Variants in FNDC5 observed in about 807,000 individuals in gnomAD.
The protein encoded by FNDC5 is fibronectin type III domain-containing protein 5.
FNDC5 carries 10 observed loss-of-function variants against 24.6 expected under a neutral mutation model. The ratio of observed to expected loss-of-function variants is 0.41; its 90% confidence interval spans 0.25 to 0.69. The LOEUF (loss-of-function observed/expected upper bound fraction) is 0.69, where lower values mean the gene tolerates loss of function less well. FNDC5 is among the 30% of genes least tolerant of loss of function. The pLI is 0.34. For missense variants in FNDC5, 226 were observed against 282.9 expected (o/e 0.80, Z 1.44); for synonymous variants, 90 against 110.7 (o/e 0.81, Z 1.18).
Position 32,863,995 on chromosome 1 carries a change from C to A in FNDC5, c.*299G>T, listed in dbSNP as rs772077083. On this transcript the variant is annotated 3_prime_UTR_variant, in exon 6 of 6. Transcript: ENST00000373471. The stretch of plus-strand genomic sequence containing the variant: ...CTTCAGCCTCACTCAACTGAATGGC[C>A]AAGACTGGGTCCTGGGCCCATGGCC... 69 of 1,345,262 alleles carry A rather than the reference C, an allele frequency of 5.1e-5. No individual in the cohort carries two copies. The highest frequency in any genetic ancestry group is 6.3e-5 in the Non-Finnish European group (66 of 1,041,296). 83.3% of individuals were successfully genotyped at this position (1,345,262 alleles called of 1,614,324 possible). A position where few individuals can be genotyped will look rare whatever the true frequency, so the allele number is the denominator to read the frequency against.
upstream of FNDC5, among the ~76,000 whole-genome samples, chr1:32,871,732 G>C (rs1019281177): frequency 6.6e-5 from 10 of 152,186 alleles, no homozygotes; most frequent in African/African-American, 2.4e-4. Context: ...TCCCCACCCA[G>C]AGTGACTTCA....
chr1:32,868,482 T>C lies in FNDC5; in HGVS notation c.211-94A>G, dbSNP rs1266823616. The C allele has an allele frequency of 1.6e-6, 2 of 1,269,500 alleles. No individual in the cohort carries two copies. Among genetic ancestry groups the C allele is most frequent in the Non-Finnish European group, 1.1e-6 (1 of 917,624 alleles). 78.6% of individuals were successfully genotyped at this position (1,269,500 alleles called of 1,614,324 possible). A position where few individuals can be genotyped will look rare whatever the true frequency, so the allele number is the denominator to read the frequency against. ...GGTGACAAAGCCTTTACATACACAA[T>C]CTTCATCATTCCATCACCTCCGCTA... is the stretch of plus-strand genomic sequence containing the variant. On this transcript the variant is annotated intron_variant, in intron 2 of 5. Coordinates refer to ENST00000373471, the MANE Select transcript of FNDC5 (RefSeq NM_153756.3). This position sits in a 1 kb window ranked among gnomAD's most constrained non-coding sequence, Gnocchi z 4.8.
At position 32,870,714 on chromosome 1, in the gene FNDC5, G is replaced by GGGCGGCCAGGCGCTC; in HGVS notation, c.18_32dup (p.Ser7_Pro11dup). On this transcript the variant is annotated inframe_insertion, in exon 1 of 6. Transcript: ENST00000373471. ...ACAGGCGGAGCGCGGCGCGGGCGCGGGGCGGCCAGGCGCTCGGCGACCCGG... is the reference window on the plus strand; with the variant it reads ...ACAGGCGGAGCGCGGCGCGGGCGCGGGGCGGCCAGGCGCTCGGCGGCCAGGCGCTCGGCGACCCGG... 8.4e-7 allele frequency: 1 copy of GGGCGGCCAGGCGCTC among 1,186,806 alleles called. No homozygotes were observed. The highest frequency in any genetic ancestry group is 3.4e-4 in the Middle Eastern group (1 of 2,964). The allele number at this position is 1,186,806 out of a possible 1,614,324, so 73.5% of individuals were successfully genotyped here. A position where few individuals can be genotyped will look rare whatever the true frequency, so the allele number is the denominator to read the frequency against.
intron 4 of FNDC5, among the ~76,000 whole-genome samples, chr1:32,867,404 C>T (rs1159025251): frequency 6.6e-6 from 1 of 152,050 alleles, no homozygotes; most frequent in African/African-American, 2.4e-5. Context: ...GGCCTGGACC[C>T]CTGGAGGCAC....
chr1:32,870,399 G>A (rs182001205), intron 1 of FNDC5, among the ~76,000 whole-genome samples: 2 of 152,226 alleles, frequency 1.3e-5, no homozygotes, highest in East Asian at 3.9e-4. Flanking sequence ...TGGGGTTAGG[G>A]GAATGGGATT....
chr1:32,871,868 TCTC>T (rs1372421840), upstream of FNDC5, among the ~76,000 whole-genome samples: 3 of 152,102 alleles, frequency 2.0e-5, no homozygotes, highest in Non-Finnish European at 4.4e-5. Context: ...CCTTCCCTCA[TCTC>T]AGCCAGAGAA....
At position 32,864,072 on chromosome 1, in the gene FNDC5, C is replaced by G; in HGVS notation, c.*222G>C. The G allele has an allele frequency of 2.0e-6, 3 of 1,472,414 alleles. No homozygotes were observed. In the South Asian group the frequency reaches 4.1e-5, roughly 20 times the overall value. 91.2% of individuals were successfully genotyped at this position (1,472,414 alleles called of 1,614,324 possible). A position where few individuals can be genotyped will look rare whatever the true frequency, so the allele number is the denominator to read the frequency against. On this transcript the variant is annotated 3_prime_UTR_variant, in exon 6 of 6. Coordinates refer to ENST00000373471, the MANE Select transcript of FNDC5 (RefSeq NM_153756.3). ...TCATCCCTCTGAGTGCAGCCTCAGC[C>G]ACTGACATTGTTGAGGTGCTTCTGG... is the stretch of plus-strand genomic sequence containing the variant.
At chr1:32,865,256 C>T (rs886647248) in intron 4 of FNDC5, among the ~76,000 whole-genome samples, 20 of 151,816 alleles carry the variant, frequency 1.3e-4, no homozygotes, top group African/African-American at 4.6e-4. Flanking sequence ...TGCGCCACCA[C>T]GTCCGGCTAA....
intron 4 of FNDC5, among the ~76,000 whole-genome samples, chr1:32,865,576 G>A (rs1641055830): frequency 6.6e-6 from 1 of 152,012 alleles, no homozygotes; most frequent in African/African-American, 2.4e-5. Flanking sequence ...CTTGAACCTG[G>A]GAGGCAGAGG....
Position 32,864,493 on chromosome 1 carries a change from G to A in FNDC5, c.633+171C>T, listed in dbSNP as rs1224883774. ...ACTGGCCCCTGGCACCCTGCAAAAG[G>A]AGAGGATCCAAAATCAACTTGCAGT... On this transcript the variant is annotated intron_variant, in intron 5 of 5. Transcript: ENST00000373471. 2.7e-6 allele frequency: 4 copies of A among 1,485,288 alleles called. No individual in the cohort carries two copies. In the East Asian group the frequency reaches 9.7e-5, roughly 36 times the overall value. 92.0% of individuals were successfully genotyped at this position (1,485,288 alleles called of 1,614,324 possible).
At chr1:32,866,376 A>G (rs1188203074) in intron 4 of FNDC5, among the ~76,000 whole-genome samples, 1 of 152,136 alleles carries the variant, frequency 6.6e-6, no homozygotes, top group African/African-American at 2.4e-5. Context: ...ATAAAGCTTT[A>G]GCATGGTATT....
In FNDC5 at chr1:32,863,983, C is replaced by G; in HGVS notation, c.*311G>C. The G allele has an allele frequency of 7.5e-7, 1 of 1,328,708 alleles. No homozygotes were observed. 82.3% of individuals were successfully genotyped at this position (1,328,708 alleles called of 1,614,324 possible). On this transcript the variant is annotated 3_prime_UTR_variant, in exon 6 of 6. Coordinates refer to ENST00000373471, the MANE Select transcript of FNDC5 (RefSeq NM_153756.3). ...TTCAAACCCAGCCTTCAGCCTCACTCAACTGAATGGCCAAGACTGGGTCCT... is the reference window on the plus strand; with the variant it reads ...TTCAAACCCAGCCTTCAGCCTCACTGAACTGAATGGCCAAGACTGGGTCCT...
intron 4 of FNDC5, 93 bp downstream of exon 4, chr1:32,867,660 C>T: frequency 7.9e-7 from 1 of 1,272,416 alleles, no homozygotes; most frequent in Non-Finnish European, 1.1e-6. Flanking sequence ...TGTCCAAACC[C>T]CTTACCCTTT....
In FNDC5 at chr1:32,868,745, A is replaced by T; in HGVS notation, c.210+137T>A. 1 of 610,902 alleles carries T rather than the reference A, an allele frequency of 1.6e-6. No homozygotes were observed. The allele number at this position is 610,902 out of a possible 1,614,324, so 37.8% of individuals were successfully genotyped here. On this transcript the variant is annotated intron_variant, in intron 2 of 5. Transcript: ENST00000373471. The surrounding 1 kb of genome is among the most constrained non-coding windows in gnomAD (Gnocchi z 4.8). ...GGCCCCAATTTTCAGACATATGTCC[A>T]AATTGCTGTTCATCTCCCTTGCCCC...
rs1640986172 is a variant in FNDC5 at position 32,862,515 on chromosome 1, A to C, written c.*1779T>G. 1 of 152,696 alleles carries C rather than the reference A, an allele frequency of 6.5e-6. No individual in the cohort carries two copies. The allele number at this position is 152,696 out of a possible 1,614,324, so 9.5% of individuals were successfully genotyped here. Reference sequence around the variant, plus strand: ...CACTTGGGCAAAGCAGAGTGGTGGCAGACCCAGCCTTGAGAGCTCTTGTAG... The same window carrying C: ...CACTTGGGCAAAGCAGAGTGGTGGCCGACCCAGCCTTGAGAGCTCTTGTAG... On this transcript the variant is annotated 3_prime_UTR_variant, in exon 6 of 6. Transcript: ENST00000373471.
Position 32,864,184 on chromosome 1 carries a change from G to A in FNDC5, c.*110C>T. 6.2e-7 allele frequency: 1 copy of A among 1,608,390 alleles called. No homozygotes were observed. On this transcript the variant is annotated 3_prime_UTR_variant, in exon 6 of 6. Coordinates refer to ENST00000373471, the MANE Select transcript of FNDC5 (RefSeq NM_153756.3). ...GTACAAGGAGATGGAGGGAAGAGAT[G>A]TAGAGAGGGCCAGATGTTTGTTGGA... is the stretch of plus-strand genomic sequence containing the variant.
chr1:32,871,157 G>T (rs1441003276), upstream of FNDC5, among the ~76,000 whole-genome samples: 2 of 151,778 alleles, frequency 1.3e-5, no homozygotes, highest in Admixed American at 1.3e-4. Context: ...TCTCTCTCCC[G>T]TGCACAGCCC....
In FNDC5 at chr1:32,864,788, G is replaced by T; in HGVS notation, c.509C>A (p.Ala170Asp). ...GATGTCATACTGGCGGCAGAAGAGG[G>T]CAATGACACCTGAGGGGGGACAAGT... Residue 170 changes from alanine to aspartate, a missense_variant, in exon 5 of 6, where the codon GCC becomes GAC. By Grantham distance (126) the Ala-to-Asp change is moderately radical (BLOSUM62 -2). Transcript: ENST00000373471. The T allele has an allele frequency of 6.2e-7, 1 of 1,614,096 alleles. No homozygotes were observed. The highest frequency in any genetic ancestry group is 8.5e-7 in the Non-Finnish European group (1 of 1,180,034).
intron 1 of FNDC5, 128 bp downstream of exon 1, chr1:32,870,525 T>G: frequency 4.8e-6 from 2 of 419,414 alleles, no homozygotes; most frequent in Non-Finnish European, 7.2e-6. Flanking sequence ...GGGGGCTGGG[T>G]TAGGGGAGCA....
Sources: allele counts gnomAD v4.1 joint callset (sites outside exome capture counted in the v4.1 genomes callset), GRCh38; gene constraint gnomAD v4.1.1; non-coding constraint Gnocchi (gnomAD v3.1); transcripts MANE v1.5; gene names NCBI Gene and HGNC (gene_info 2026-07-23, HGNC 2026-07-21).